The following GPC5 variants were observed in gnomAD, a reference collection of about 807,000 sequenced individuals.
The protein encoded by GPC5 is glypican-5.
Under a neutral mutation model 53.9 loss-of-function variants are expected in GPC5, and 47 were observed. The ratio of observed to expected loss-of-function variants is 0.87; its 90% CI spans 0.69 to 1.11. The LOEUF (loss-of-function observed/expected upper bound fraction) is 1.11. Ranked by LOEUF, GPC5 falls within the 50% of genes most tolerant of loss-of-function variation. The probability of loss-of-function intolerance (pLI) is 0.00; values close to 1 mark genes in which losing one functional copy is unlikely to be tolerated. For missense variants in GPC5, 748 were observed against 713.1 expected, an observed-to-expected ratio of 1.05 and a Z score of -0.56; for synonymous variants, 286 against 263.3, an observed-to-expected ratio of 1.09 and a Z score of -0.84.
chr13:91,959,187 C>T (rs1482304361), intron 6 of GPC5, among the ~76,000 whole-genome samples: 4 of 150,782 alleles, frequency 2.7e-5, no homozygotes, highest in Admixed American at 6.6e-5. Flanking sequence ...AAAAAAAAGA[C>T]ACAAATAAAC....
chr13:92,324,864 C>G (rs555192007), intron 7 of GPC5, among the ~76,000 whole-genome samples: 1 of 151,990 alleles, frequency 6.6e-6, no homozygotes, highest in African/African-American at 2.4e-5. Context: ...CGACCAAGAT[C>G]AGTTTTAGAG....
intron 5 of GPC5, among the ~76,000 whole-genome samples, chr13:91,886,137 T>C (rs2039319509): frequency 6.6e-6 from 1 of 152,170 alleles, no homozygotes; most frequent in Non-Finnish European, 1.5e-5. Context: ...TAGTTCCACA[T>C]GGCTGGGGAG....
intron 2 of GPC5, among the ~76,000 whole-genome samples, chr13:91,459,227 G>A (rs9523337): frequency 0.022 from 3,319 of 151,974 alleles, 53 homozygotes; most frequent in Non-Finnish European, 0.036. Context: ...AAAAAGAAAA[G>A]AAGGTTGGAG....
chr13:91,477,755 C>T (rs607822), intron 2 of GPC5, among the ~76,000 whole-genome samples: 151,437 of 152,280 alleles, frequency 0.99, 75,312 homozygotes, highest in Middle Eastern at 1. Context: ...TCAGAGGGAG[C>T]GGGCAACCAT....
At chr13:92,597,329 T>C (rs1269159916) in intron 7 of GPC5, among the ~76,000 whole-genome samples, 5 of 151,844 alleles carry the variant, frequency 3.3e-5, no homozygotes, top group Admixed American at 3.3e-4. Context: ...TGGAGAAACA[T>C]GTAACCAGGG....
intron 7 of GPC5, among the ~76,000 whole-genome samples, chr13:92,343,625 A>T (rs1298124588): frequency 1.3e-5 from 2 of 152,102 alleles, no homozygotes; most frequent in African/African-American, 4.8e-5. Flanking sequence ...TTATATTTTT[A>T]AAGTGGACAG....
intron 7 of GPC5, among the ~76,000 whole-genome samples, chr13:92,642,413 T>G (rs909958814): frequency 1.2e-4 from 18 of 152,196 alleles, no homozygotes. Context: ...AAAGCAGAAT[T>G]AATCCTACCG....
At chr13:92,673,161 T>TA (rs35208605) in intron 7 of GPC5, among the ~76,000 whole-genome samples, 1 of 148,266 alleles carries the variant, frequency 6.7e-6, no homozygotes, top group Non-Finnish European at 1.5e-5. Context: ...TTTACCTTTT[T>TA]AAAAAAAGAA....
intron 6 of GPC5, among the ~76,000 whole-genome samples, chr13:92,053,730 A>T (rs1185110395): frequency 1.3e-5 from 2 of 152,030 alleles, no homozygotes; most frequent in Non-Finnish European, 2.9e-5. Flanking sequence ...GCCTTATGGA[A>T]TTAAAAAATA....
chr13:91,750,454 A>T (rs1165347277), intron 4 of GPC5, among the ~76,000 whole-genome samples: 3 of 152,174 alleles, frequency 2.0e-5, no homozygotes, highest in Non-Finnish European at 4.4e-5. Context: ...TTAACGGCAA[A>T]TATTCTCATA....
At chr13:91,679,196 A>G (rs1361115984) in intron 2 of GPC5, among the ~76,000 whole-genome samples, 3 of 141,634 alleles carry the variant, frequency 2.1e-5, no homozygotes, top group Admixed American at 7.0e-5. Flanking sequence ...TTTATTTATT[A>G]TACTTTAAGT....
chr13:92,178,588 A>G (rs894805147), intron 7 of GPC5, among the ~76,000 whole-genome samples: 18 of 152,142 alleles, frequency 1.2e-4, no homozygotes, highest in South Asian at 1.0e-3. Context: ...ATTATATATC[A>G]ACAGTTGCTA....
intron 7 of GPC5, among the ~76,000 whole-genome samples, chr13:92,585,167 C>A (rs564659005): frequency 2.0e-5 from 3 of 152,184 alleles, no homozygotes; most frequent in Non-Finnish European, 4.4e-5. Context: ...AATGGTAGAT[C>A]CACTGTCAGC....
chr13:92,501,243 G>A (rs1310928355), intron 7 of GPC5, among the ~76,000 whole-genome samples: 3 of 151,982 alleles, frequency 2.0e-5, no homozygotes, highest in Non-Finnish European at 4.4e-5. Flanking sequence ...TTGCAGGAAT[G>A]AAACAATAGA....
chr13:91,780,481 C>T lies in GPC5; in HGVS notation c.1280+24061C>T, dbSNP rs142425577. On this transcript the variant is annotated intron_variant, in intron 5 of 7. Coordinates refer to ENST00000377067, the MANE Select transcript of GPC5 (RefSeq NM_004466.6). The stretch of plus-strand genomic sequence containing the variant: ...TCTCTCCTTCCTTCTTCCTCACTCT[C>T]CCTTCCTTTCTTGCTTTCTTTTACG... Among the ~76,000 whole-genome samples, 99 of 152,180 alleles carry T rather than the reference C, an allele frequency of 6.5e-4. 3 individuals carry two copies. In the East Asian group the frequency reaches 0.017, roughly 26 times the overall value.
At chr13:92,366,092 C>A (rs1316559297) in intron 7 of GPC5, among the ~76,000 whole-genome samples, 2 of 151,596 alleles carry the variant, frequency 1.3e-5, no homozygotes, top group African/African-American at 4.9e-5. Context: ...ATGAGTAATG[C>A]ATCCTGCTAT....
At chr13:92,784,490 C>A (rs1033982603) in intron 7 of GPC5, among the ~76,000 whole-genome samples, 3 of 150,444 alleles carry the variant, frequency 2.0e-5, no homozygotes, top group Non-Finnish European at 4.4e-5. Flanking sequence ...TTTTTTTTTA[C>A]AGATGTAATG....
At chr13:92,061,624 A>G (rs2041124604) in intron 6 of GPC5, among the ~76,000 whole-genome samples, 1 of 152,104 alleles carries the variant, frequency 6.6e-6, no homozygotes, top group Non-Finnish European at 1.5e-5. Context: ...AATATTAAAT[A>G]GAAACATAAT....
chr13:92,291,814 C>T lies in GPC5; in HGVS notation c.1561+146825C>T, dbSNP rs201942671. On this transcript the variant is annotated intron_variant, in intron 7 of 7. Coordinates refer to ENST00000377067, the MANE Select transcript of GPC5 (RefSeq NM_004466.6). ...GAGACCACAAACCCACCGGGAGGAA[C>T]GAACAACTCCAGACGCACTGCCTTA... 3.7e-4 allele frequency among the ~76,000 whole-genome samples: 56 copies of T among 152,190 alleles called. 1 individual carries two copies. Among genetic ancestry groups the T allele is most frequent in the Admixed American group, 2.7e-3 (41 of 15,276 alleles).
Sources: gnomAD v4.1 joint callset for allele counts (sites outside exome capture counted in the v4.1 genomes callset) on GRCh38, gnomAD v4.1.1 for gene constraint, MANE v1.5 for transcripts, NCBI Gene and HGNC (gene_info 2026-07-23, HGNC 2026-07-21) for gene names.